SGCD: variants seen among roughly 807,000 people sequenced by gnomAD.
SGCD encodes the protein delta-sarcoglycan.
Under a neutral mutation model 36.6 loss-of-function variants are expected in SGCD, and 18 were observed. The ratio of observed to expected loss-of-function variants is 0.49; its 90% CI spans 0.34 to 0.73. The LOEUF is 0.73. Among genes scored for constraint, SGCD ranks in the 30% least tolerant of loss-of-function variants. The pLI, the probability that SGCD is intolerant of heterozygous loss-of-function variation, is 0.01. For missense variants in SGCD, 387 were observed against 346.7 expected (o/e 1.12, Z -0.92); for synonymous variants, 133 against 130.6 (o/e 1.02, Z -0.12).
chr5:155,850,735 CT>C, the SGCD span, among the ~76,000 whole-genome samples: 1 of 152,256 alleles, frequency 6.6e-6, no homozygotes, highest in South Asian at 2.1e-4. Flanking sequence ...CTTGTCTTTC[CT>C]TTTGCCTTTT....
chr5:156,504,071 G>T (rs1756579754), intron 3 of SGCD, among the ~76,000 whole-genome samples: 1 of 151,926 alleles, frequency 6.6e-6, no homozygotes, highest in Admixed American at 6.6e-5. Flanking sequence ...AGGCATAGTG[G>T]TGGGCACCTG....
chr5:156,750,819 T>TA (rs1182020410), intron 7 of SGCD, among the ~76,000 whole-genome samples: 1 of 151,988 alleles, frequency 6.6e-6, no homozygotes, highest in African/African-American at 2.4e-5. Flanking sequence ...TTCAGGAAAA[T>TA]AGGATATCTA....
intron 1 of SGCD, among the ~76,000 whole-genome samples, chr5:156,030,369 G>A (rs1168160368): frequency 6.6e-6 from 1 of 152,138 alleles, no homozygotes; most frequent in East Asian, 1.9e-4. Flanking sequence ...GTTCTTATAA[G>A]AGACCCATAG....
chr5:156,267,492 C>G (rs952315487), intron 3 of SGCD, among the ~76,000 whole-genome samples: 6 of 152,138 alleles, frequency 3.9e-5, no homozygotes, highest in South Asian at 2.1e-4. Flanking sequence ...TCTGACCTGC[C>G]GGATCCAAGG....
intron 6 of SGCD, among the ~76,000 whole-genome samples, chr5:156,623,377 A>C (rs1309975688): frequency 6.6e-6 from 1 of 152,212 alleles, no homozygotes; most frequent in African/African-American, 2.4e-5. Context: ...GAGCCCAAAT[A>C]CATCCTTGAC....
chr5:156,184,705 T>C (rs1763693859), intron 3 of SGCD, among the ~76,000 whole-genome samples: 1 of 152,176 alleles, frequency 6.6e-6, no homozygotes, highest in African/African-American at 2.4e-5. Context: ...CCTTATTCCC[T>C]CCTGCTCTGC....
At chr5:156,502,350 C>T (rs1198335566) in intron 3 of SGCD, among the ~76,000 whole-genome samples, 2 of 151,864 alleles carry the variant, frequency 1.3e-5, no homozygotes, top group Non-Finnish European at 2.9e-5. Context: ...CCAGCCCTCC[C>T]TCTTTAATTT....
At chr5:156,301,683 T>A (rs1767056924) in intron 3 of SGCD, among the ~76,000 whole-genome samples, 1 of 152,148 alleles carries the variant, frequency 6.6e-6, no homozygotes, top group South Asian at 2.1e-4. Flanking sequence ...GCCTTTCTTG[T>A]AAGATAGATC....
chr5:156,100,456 G>A (rs1035341323), intron 1 of SGCD, among the ~76,000 whole-genome samples: 4 of 152,174 alleles, frequency 2.6e-5, no homozygotes, highest in Admixed American at 1.3e-4. Context: ...GTATGTGTAT[G>A]CATGTGTTTT....
intron 3 of SGCD, among the ~76,000 whole-genome samples, chr5:156,258,932 CTTAA>C (rs543112808): frequency 6.6e-6 from 1 of 151,890 alleles, no homozygotes; most frequent in South Asian, 2.1e-4. Flanking sequence ...TCTTTACTCT[CTTAA>C]TTAAGAGAGT....
chr5:155,984,501 G>A (rs757720469), intron 1 of SGCD, among the ~76,000 whole-genome samples: 8 of 152,070 alleles, frequency 5.3e-5, no homozygotes, highest in Non-Finnish European at 1.0e-4. Context: ...AATTCCTTTC[G>A]TTCTGAAGCA....
chr5:155,768,217 A>G, the SGCD span, among the ~76,000 whole-genome samples: 3 of 151,824 alleles, frequency 2.0e-5, no homozygotes, highest in African/African-American at 4.8e-5. Flanking sequence ...CTTACATTTT[A>G]TGAGATGCAG....
the SGCD span, among the ~76,000 whole-genome samples, chr5:155,825,903 C>G: frequency 2.6e-5 from 4 of 152,112 alleles, no homozygotes; most frequent in African/African-American, 9.6e-5. Context: ...CACCTGCCAC[C>G]ACACCCAACT....
chr5:156,504,902 T>C (rs1756628204), intron 3 of SGCD, among the ~76,000 whole-genome samples: 1 of 152,232 alleles, frequency 6.6e-6, no homozygotes, highest in Non-Finnish European at 1.5e-5. Flanking sequence ...GTTTAGGAGT[T>C]CTTGTTTGTT....
At chr5:156,485,662 A>T (rs78894725) in intron 3 of SGCD, among the ~76,000 whole-genome samples, 1 of 150,656 alleles carries the variant, frequency 6.6e-6, no homozygotes, top group Non-Finnish European at 1.5e-5. Context: ...TCTCAAAAAT[A>T]AAAAAAAAAT....
At position 156,274,277 on chromosome 5, in the gene SGCD, T is replaced by C. The variant is rs57277047; in HGVS notation, c.-43-55257T>C. Among the ~76,000 whole-genome samples, 674 of 152,208 alleles carry C rather than the reference T, an allele frequency of 4.4e-3. 1 individual carries two copies. The highest frequency in any genetic ancestry group is 0.014 in the African/African-American group (584 of 41,532). On this transcript the variant is annotated intron_variant, in intron 3 of 9. Coordinates refer to the SGCD transcript ENST00000517913. ...AAAATTCTCAACCAAATATCAAAAA[T>C]ATAAATAACAAGAGGTTGTCATGGT... is the stretch of plus-strand genomic sequence containing the variant.
chr5:156,401,334 G>T (rs1437788854), intron 3 of SGCD, among the ~76,000 whole-genome samples: 1 of 152,150 alleles, frequency 6.6e-6, no homozygotes, highest in Non-Finnish European at 1.5e-5. Flanking sequence ...ATAGTAAAAG[G>T]TGCTCTATCA....
chr5:156,298,948 A>G (rs764614177), intron 3 of SGCD, among the ~76,000 whole-genome samples: 9 of 152,200 alleles, frequency 5.9e-5, no homozygotes, highest in Non-Finnish European at 1.3e-4. Flanking sequence ...TAACTTGATG[A>G]GATTGCACTT....
chr5:156,537,453 T>G, intron 4 of SGCD, among the ~76,000 whole-genome samples: 2 of 107,482 alleles, frequency 1.9e-5, no homozygotes, highest in South Asian at 3.1e-4. Flanking sequence ...GGTTAGAAGG[T>G]AGCAGCCACA....
Sources: gnomAD v4.1 joint callset for allele counts (sites outside exome capture counted in the v4.1 genomes callset) on GRCh38, gnomAD v4.1.1 for gene constraint, MANE v1.5 for transcripts, NCBI Gene and HGNC (gene_info 2026-07-23, HGNC 2026-07-21) for gene names.